Variants in OPCML observed in about 807,000 individuals in gnomAD.
OPCML encodes opioid binding protein/cell adhesion molecule like, also known as opioid-binding protein/cell adhesion molecule.
OPCML carries 13 observed loss-of-function variants against 37.8 expected under a neutral mutation model. The observed-to-expected ratio is 0.34, with a 90% CI of 0.22 to 0.55. The LOEUF (loss-of-function observed/expected upper bound fraction) is 0.55. Among genes scored for constraint, OPCML ranks in the 20% least tolerant of loss-of-function variants. OPCML has a pLI of 0.91. For missense variants in OPCML, 341 were observed against 435.6 expected (o/e 0.78, Z 1.93); for synonymous variants, 176 against 168.8 (o/e 1.04, Z -0.33).
At chr11:133,178,654 C>G (rs957058892) in intron 1 of OPCML, among the ~76,000 whole-genome samples, 2 of 151,988 alleles carry the variant, frequency 1.3e-5, no homozygotes, top group African/African-American at 4.8e-5. Flanking sequence ...CAGTGTGTGT[C>G]CTGAGCATGA....
At chr11:133,440,394 C>T (rs1419549154) in intron 1 of OPCML, among the ~76,000 whole-genome samples, 1 of 121,566 alleles carries the variant, frequency 8.2e-6, no homozygotes, top group East Asian at 2.2e-4. Context: ...AGCAAAACTC[C>T]ATCTCAAAAA....
intron 3 of OPCML, among the ~76,000 whole-genome samples, chr11:132,588,514 A>T (rs1365197509): frequency 2.6e-5 from 4 of 151,240 alleles, no homozygotes; most frequent in Admixed American, 2.6e-4. Context: ...AACTTTGAAC[A>T]GCTGTTCCTA....
chr11:133,339,480 C>T (rs1024339408), intron 1 of OPCML, among the ~76,000 whole-genome samples: 1 of 152,164 alleles, frequency 6.6e-6, no homozygotes, highest in African/African-American at 2.4e-5. Context: ...ACAGTCTTTT[C>T]ACTATAGCTT....
intron 1 of OPCML, among the ~76,000 whole-genome samples, chr11:133,200,089 C>G (rs1938706114): frequency 6.6e-6 from 1 of 152,130 alleles, no homozygotes; most frequent in Admixed American, 6.5e-5. Flanking sequence ...TTTCCCCCAC[C>G]CCTACACAGC....
chr11:133,204,886 A>G (rs929069251), intron 1 of OPCML, among the ~76,000 whole-genome samples: 4,303 of 42,482 alleles, frequency 0.1, 191 homozygotes, highest in African/African-American at 0.16. Context: ...ATATATATAT[A>G]TATATATATA....
At chr11:132,547,828 G>A (rs1387355749) in intron 3 of OPCML, among the ~76,000 whole-genome samples, 2 of 152,086 alleles carry the variant, frequency 1.3e-5, no homozygotes, top group African/African-American at 4.8e-5. Context: ...TTGAACACAT[G>A]CATTACTGGT....
chr11:133,398,723 G>A (rs575047378), intron 1 of OPCML, among the ~76,000 whole-genome samples: 2 of 152,070 alleles, frequency 1.3e-5, no homozygotes, highest in South Asian at 2.1e-4. Flanking sequence ...GACCATGAAG[G>A]GTAAGAAACT....
chr11:133,019,195 A>G (rs1947401971), intron 1 of OPCML, among the ~76,000 whole-genome samples: 1 of 152,186 alleles, frequency 6.6e-6, no homozygotes. Context: ...GAACCCAAGT[A>G]GTGGACTCCC....
intron 3 of OPCML, among the ~76,000 whole-genome samples, chr11:132,636,714 C>T (rs1386191081): frequency 6.6e-6 from 1 of 152,188 alleles, no homozygotes; most frequent in African/African-American, 2.4e-5. Flanking sequence ...GGTGATAAAG[C>T]ACTGAAGATT....
intron 1 of OPCML, among the ~76,000 whole-genome samples, chr11:133,362,539 G>A (rs1160184369): frequency 6.6e-6 from 1 of 152,204 alleles, no homozygotes; most frequent in Non-Finnish European, 1.5e-5. Flanking sequence ...AAAAACAGAA[G>A]CTTGTCAAGC....
chr11:132,831,806 T>G (rs1172786603), intron 2 of OPCML, among the ~76,000 whole-genome samples: 1 of 152,024 alleles, frequency 6.6e-6, no homozygotes, highest in Non-Finnish European at 1.5e-5. Flanking sequence ...GTACAAACCT[T>G]GTGGCAATAG....
At chr11:133,336,568 A>G (rs1223777116) in intron 1 of OPCML, among the ~76,000 whole-genome samples, 1 of 152,250 alleles carries the variant, frequency 6.6e-6, no homozygotes, top group African/African-American at 2.4e-5. Context: ...AAATGAGACA[A>G]GAAATAGAAA....
chr11:133,380,692 G>A (rs1261530752), intron 1 of OPCML, among the ~76,000 whole-genome samples: 1 of 152,038 alleles, frequency 6.6e-6, no homozygotes, highest in Non-Finnish European at 1.5e-5. Flanking sequence ...TTATTCTAGA[G>A]AAATGTAACA....
intron 2 of OPCML, among the ~76,000 whole-genome samples, chr11:132,832,200 T>C: frequency 6.6e-6 from 1 of 150,620 alleles, no homozygotes; most frequent in Non-Finnish European, 1.5e-5. Context: ...AGCATCTAAT[T>C]ACATGTTCCT....
intron 1 of OPCML, among the ~76,000 whole-genome samples, chr11:133,512,950 A>G (rs1368983588): frequency 6.6e-6 from 1 of 152,242 alleles, no homozygotes; most frequent in African/African-American, 2.4e-5. Context: ...CCCATTTTCA[A>G]GAAGTCAATG....
chr11:132,844,529 G>C (rs1460330166), intron 2 of OPCML, among the ~76,000 whole-genome samples: 1 of 152,164 alleles, frequency 6.6e-6, no homozygotes, highest in Non-Finnish European at 1.5e-5. Context: ...AAAATATATT[G>C]TAGGTCAGAA....
chr11:132,628,639 C>G (rs1249175737), intron 3 of OPCML, among the ~76,000 whole-genome samples: 1 of 152,090 alleles, frequency 6.6e-6, no homozygotes, highest in Non-Finnish European at 1.5e-5. Flanking sequence ...ACCCTAGGGC[C>G]AGGTACCAGA....
chr11:132,897,291 G>A (rs1054023118), intron 2 of OPCML, among the ~76,000 whole-genome samples: 1 of 152,130 alleles, frequency 6.6e-6, no homozygotes, highest in Non-Finnish European at 1.5e-5. Context: ...GCCAGCTACT[G>A]GGCCTTAATA....
chr11:132,579,986 G>C (rs1346840574), intron 3 of OPCML, among the ~76,000 whole-genome samples: 1 of 152,120 alleles, frequency 6.6e-6, no homozygotes, highest in East Asian at 1.9e-4. Context: ...TCTCATCAAG[G>C]GCAGGCTCTG....
Sources: allele counts gnomAD v4.1 joint callset (sites outside exome capture counted in the v4.1 genomes callset), GRCh38; gene constraint gnomAD v4.1.1; transcripts MANE v1.5; gene names NCBI Gene and HGNC (gene_info 2026-07-23, HGNC 2026-07-21).